TRIM3: variants seen among roughly 807,000 people sequenced by gnomAD.
The protein encoded by TRIM3 is tripartite motif-containing protein 3.
Under a neutral mutation model 66.6 loss-of-function variants are expected in TRIM3, and 13 were observed. The observed-to-expected ratio is 0.20, with a 90% CI of 0.13 to 0.31. TRIM3 has a LOEUF of 0.31. Among genes scored for constraint, TRIM3 ranks in the 10% least tolerant of loss-of-function variants. The pLI is 1.00. For synonymous variants in TRIM3, 406 were observed against 411.7 expected (o/e 0.99, Z 0.17); for missense variants, 711 against 1,020.4 (o/e 0.70, Z 4.13).
rs555403318 is a variant in TRIM3 at position 6,458,686 on chromosome 11, C to T, written c.132-390G>A. 6.6e-6 allele frequency among the ~76,000 whole-genome samples: 1 copy of T among 152,326 alleles called. No homozygotes were observed. Among genetic ancestry groups the T allele is most frequent in the African/African-American group, 2.4e-5 (1 of 41,574 alleles). On this transcript the variant is annotated intron_variant, in intron 2 of 11. Coordinates refer to ENST00000345851, the MANE Select transcript of TRIM3 (RefSeq NM_033278.4). This position sits in a 1 kb window ranked among gnomAD's most constrained non-coding sequence, Gnocchi z 6.2. ...AAGCCCTGGGGACAAAAAGATAAAG[C>T]ACAGTGCCTACCCTTAAAATACTTC...
Position 6,450,514 on chromosome 11 carries a change from T to C in TRIM3, c.1941+37A>G. On this transcript the variant is annotated intron_variant, in intron 10 of 11. Transcript: ENST00000345851. The surrounding 1 kb of genome is among the most constrained non-coding windows in gnomAD (Gnocchi z 4.8). ...GAGTCTTGTGGAAGAGGAAAGGATG[T>C]TGGGACAGTGGTCACGGAGGGAGGG... 6.3e-7 allele frequency: 1 copy of C among 1,576,452 alleles called. No homozygotes were observed. Among genetic ancestry groups the C allele is most frequent in the Non-Finnish European group, 8.7e-7 (1 of 1,145,588 alleles).
At chr11:6,473,199 G>A (rs960523476) in intron 1 of TRIM3, 1 of 152,506 alleles carries the variant, frequency 6.6e-6, no homozygotes, top group African/African-American at 2.4e-5. Flanking sequence ...GAGGGGCCTG[G>A]GGTCCTCCAG....
At chr11:6,471,113 A>G (rs771609572) in intron 1 of TRIM3, among the ~76,000 whole-genome samples, 4 of 152,166 alleles carry the variant, frequency 2.6e-5, no homozygotes, top group Non-Finnish European at 5.9e-5. Context: ...TCTGCAAAGG[A>G]TGTGTTTCAA....
rs141388409 is a variant in TRIM3, at chr11:6,470,630, G to A, written c.-38+3161C>T. 1.8e-3 allele frequency among the ~76,000 whole-genome samples: 268 copies of A among 152,336 alleles called. 2 individuals carry two copies. Among genetic ancestry groups the A allele is most frequent in the African/African-American group, 4.8e-3 (200 of 41,576 alleles). On this transcript the variant is annotated intron_variant, in intron 1 of 11. Coordinates refer to ENST00000345851, the MANE Select transcript of TRIM3 (RefSeq NM_033278.4). ...TATGGGATGTAATTCAAGTGGAGAGGTCCAGTTGGCAGTTGGAAAGATACG... is the reference window on the plus strand; with the variant it reads ...TATGGGATGTAATTCAAGTGGAGAGATCCAGTTGGCAGTTGGAAAGATACG...
chr11:6,454,608 T>G (rs1350625344), intron 7 of TRIM3, among the ~76,000 whole-genome samples: 1 of 152,056 alleles, frequency 6.6e-6, no homozygotes, highest in East Asian at 1.9e-4. Flanking sequence ...ACCACCTCAT[T>G]ACTCCCCCGC....
chr11:6,449,815 T>G lies in TRIM3; in HGVS notation c.1942-369A>C. On this transcript the variant is annotated intron_variant, in intron 10 of 11. Transcript: ENST00000345851. The surrounding 1 kb of genome is among the most constrained non-coding windows in gnomAD (Gnocchi z 5.3). ...CCATCTCAAATCCCTCTCTCAAGTCTATACCCTATGCATACACTGTCTCGT... is the reference window on the plus strand; with the variant it reads ...CCATCTCAAATCCCTCTCTCAAGTCGATACCCTATGCATACACTGTCTCGT... 1.8e-5 allele frequency: 4 copies of G among 224,130 alleles called. No homozygotes were observed. Among genetic ancestry groups the G allele is most frequent in the Non-Finnish European group, 3.6e-5 (4 of 112,610 alleles). The allele number at this position is 224,130 out of a possible 1,614,324, so 13.9% of individuals were successfully genotyped here. A position where few individuals can be genotyped will look rare whatever the true frequency, so the allele number is the denominator to read the frequency against.
Position 6,458,263 on chromosome 11 carries a change from C to T in TRIM3, c.165G>A (p.Leu55=). 6.2e-7 allele frequency: 1 copy of T among 1,614,144 alleles called. No homozygotes were observed. Among genetic ancestry groups the T allele is most frequent in the Non-Finnish European group, 8.5e-7 (1 of 1,179,984 alleles). ...GCCGGCATACTGGACAGGATAGCGT[C>T]AGGCTCTGGGCAGGGATATAGTTTT... ...CLQNYIPAQS[L]TLSCPVCRQT... Residue 55 remains leucine (L), a synonymous_variant, in exon 3 of 12, where the codon CTG becomes CTA. Coordinates refer to ENST00000345851, the MANE Select transcript of TRIM3 (RefSeq NM_033278.4). The surrounding 1 kb of genome is among the most constrained non-coding windows in gnomAD (Gnocchi z 6.2).
Position 6,456,045 on chromosome 11 carries a change from G to A in TRIM3, c.1533+27C>T. 2 of 1,603,110 alleles carry A rather than the reference G, an allele frequency of 1.2e-6. No homozygotes were observed. The highest frequency in any genetic ancestry group is 1.7e-6 in the Non-Finnish European group (2 of 1,170,098). On this transcript the variant is annotated intron_variant, in intron 7 of 11. Transcript: ENST00000345851. The surrounding 1 kb of genome is among the most constrained non-coding windows in gnomAD (Gnocchi z 6.4). The stretch of plus-strand genomic sequence containing the variant: ...TAGCTTGAAAACTCTTATTTTGGTG[G>A]TGGAGGAGAGCGGTAAAGGTGCTTA...
In TRIM3 at chr11:6,457,657, C is replaced by G; in HGVS notation, c.515+39G>C. On this transcript the variant is annotated intron_variant, in intron 4 of 11. Coordinates refer to ENST00000345851, the MANE Select transcript of TRIM3 (RefSeq NM_033278.4). The surrounding 1 kb of genome is among the most constrained non-coding windows in gnomAD (Gnocchi z 4.5). ...CCCCGCCCGAGCTAAGACACCATCC[C>G]TGTGGCCCCACCAGCCCAGGACCCT... 6.3e-7 allele frequency: 1 copy of G among 1,594,730 alleles called. No homozygotes were observed. Among genetic ancestry groups the G allele is most frequent in the Middle Eastern group, 1.7e-4 (1 of 5,724 alleles).
chr11:6,473,678 G>C (rs11607223), intron 1 of TRIM3, 113 bp downstream of exon 1: 26,223 of 152,416 alleles, frequency 0.17, 2,333 homozygotes, highest in Middle Eastern at 0.23. Context: ...CACGTGGGCA[G>C]AGAGAGGCAC....
At chr11:6,469,530 G>C (rs1214432832) in intron 1 of TRIM3, among the ~76,000 whole-genome samples, 1 of 152,180 alleles carries the variant, frequency 6.6e-6, no homozygotes, top group Non-Finnish European at 1.5e-5. Flanking sequence ...CTTGGTCTCA[G>C]AGCCAGACTT....
In TRIM3 at chr11:6,456,359, A is replaced by C. The variant is rs748366592; in HGVS notation, c.1367T>G (p.Met456Arg). 1 of 1,537,988 alleles carries C rather than the reference A, an allele frequency of 6.5e-7. No homozygotes were observed. The highest frequency in any genetic ancestry group is 1.3e-5 in the South Asian group (1 of 78,996). Residue 456 changes from methionine (M) to arginine (R), a missense_variant, in exon 6 of 12, where the codon ATG becomes AGG. Physicochemically the swap from Met to Arg is moderately conservative, Grantham distance 91. Transcript: ENST00000345851. This position sits in a 1 kb window ranked among gnomAD's most constrained non-coding sequence, Gnocchi z 6.4. ...CTTTCGTTTGCCGCCTGTGCTGTAC[A>C]TGGAGCTGGGCCTACGCACTGCCTT... Reference protein sequence around the residue: ...RQKAVRRPSSMYSTGGKRKDN... With the variant: ...RQKAVRRPSSRYSTGGKRKDN...
Position 6,458,129 on chromosome 11 carries a change from T to G in TRIM3, c.299A>C (p.Glu100Ala), listed in dbSNP as rs1462210099. Reference protein sequence around the residue: ...QQAPDGAHDPEDPHPLSVVAG... With the variant: ...QQAPDGAHDPADPHPLSVVAG... ...CACTACACTGAGGGGGTGGGGGTCC[T>G]CCGGGTCGTGGGCCCCATCAGGTGC... is the stretch of plus-strand genomic sequence containing the variant. The change falls in exon 3 of 12, where the codon GAG becomes GCG. Residue 100 changes from glutamate (E) to alanine (A), a missense_variant. By Grantham distance (107) the Glu-to-Ala change is moderately radical (BLOSUM62 -1). This residue lies in a region of TRIM3 where 149 missense variants were observed against 240.3 expected (regional missense o/e 0.62). Transcript: ENST00000345851. The surrounding 1 kb of genome is among the most constrained non-coding windows in gnomAD (Gnocchi z 6.2). The G allele has an allele frequency of 6.2e-7, 1 of 1,613,908 alleles. No individual in the cohort carries two copies. Among genetic ancestry groups the G allele is most frequent in the East Asian group, 2.2e-5 (1 of 44,886 alleles).
intron 1 of TRIM3, chr11:6,473,368 G>T (rs1047564155): frequency 4.5e-5 from 6 of 133,200 alleles, no homozygotes; most frequent in Non-Finnish European, 8.1e-5. Context: ...AGGGGCGGGG[G>T]GTGGGGTAGG....
rs1177507193 is a variant in TRIM3, at chr11:6,458,113, G to A, written c.315C>T (p.Leu105=). ...GAHDPEDPHP[L]SVVAGRPLSC... ...AGAGAGGGCGGCCAGCCACTACACT[G>A]AGGGGGTGGGGGTCCTCCGGGTCGT... is the stretch of plus-strand genomic sequence containing the variant. Residue 105 remains leucine, a synonymous_variant, in exon 3 of 12, where the codon CTC becomes CTT. Coordinates refer to ENST00000345851, the MANE Select transcript of TRIM3 (RefSeq NM_033278.4). The surrounding 1 kb of genome is among the most constrained non-coding windows in gnomAD (Gnocchi z 6.2). 2.5e-6 allele frequency: 4 copies of A among 1,613,488 alleles called. No individual in the cohort carries two copies. In the South Asian group the frequency reaches 3.3e-5, roughly 13 times the overall value.
At chr11:6,470,905 G>A (rs1243298205) in intron 1 of TRIM3, among the ~76,000 whole-genome samples, 2 of 152,192 alleles carry the variant, frequency 1.3e-5, no homozygotes, top group African/African-American at 4.8e-5. Context: ...GAATGCCAAG[G>A]GAGAAGAGAA....
chr11:6,458,260 C>T lies in TRIM3; in HGVS notation c.168G>A (p.Thr56=), dbSNP rs372879493. Reference sequence around the variant, plus strand: ...TCTGCCGGCATACTGGACAGGATAGCGTCAGGCTCTGGGCAGGGATATAGT... The same window carrying T: ...TCTGCCGGCATACTGGACAGGATAGTGTCAGGCTCTGGGCAGGGATATAGT... ...LQNYIPAQSL[T]LSCPVCRQTS... Residue 56 remains threonine (T), a synonymous_variant, in exon 3 of 12, where the codon ACG becomes ACA. Transcript: ENST00000345851. This position sits in a 1 kb window ranked among gnomAD's most constrained non-coding sequence, Gnocchi z 6.2. The T allele has an allele frequency of 4.3e-5, 69 of 1,614,140 alleles. No homozygotes were observed. The highest frequency in any genetic ancestry group is 2.1e-4 in the South Asian group (19 of 91,084).
At chr11:6,453,815 G>A (rs1239768112) in intron 7 of TRIM3, among the ~76,000 whole-genome samples, 1 of 152,210 alleles carries the variant, frequency 6.6e-6, no homozygotes, top group Non-Finnish European at 1.5e-5. Context: ...GTCCAAAAGA[G>A]AAAACGGTCA....
Position 6,456,896 on chromosome 11 carries a change from C to T in TRIM3, c.830G>A (p.Arg277Gln), listed in dbSNP as rs1349828305. ...GGCCTGTGCCGCCAATGCAGCCAGC[C>T]GCTCTCGCATGTGCTTGCGCACCAG... Reference protein sequence around the residue: ...VLLVRKHMRERLAALAAQAFP... With the variant: ...VLLVRKHMREQLAALAAQAFP... The change falls in exon 6 of 12, where the codon CGG becomes CAG. Residue 277 changes from arginine to glutamine, a missense_variant. Transcript: ENST00000345851. The surrounding 1 kb of genome is among the most constrained non-coding windows in gnomAD (Gnocchi z 6.4). 2.5e-6 allele frequency: 4 copies of T among 1,612,344 alleles called. No individual in the cohort carries two copies. The highest frequency in any genetic ancestry group is 4.5e-5 in the East Asian group (2 of 44,900).
Sources: gnomAD v4.1 joint callset for allele counts (sites outside exome capture counted in the v4.1 genomes callset) on GRCh38, gnomAD v4.1.1 for gene constraint, gnomAD v4.1.1 regional missense constraint, Gnocchi (gnomAD v3.1) non-coding constraint, MANE v1.5 for transcripts, NCBI Gene and HGNC (gene_info 2026-07-23, HGNC 2026-07-21) for gene names.